Variants in LAMC3 observed in about 807,000 individuals in gnomAD.
The protein encoded by LAMC3 is laminin subunit gamma-3.
In LAMC3, 128 loss-of-function variants were observed where a neutral mutation model predicts 173.8. That is an observed-to-expected ratio of 0.74 (90% confidence interval 0.64 to 0.85). LAMC3 has a LOEUF of 0.85. LAMC3 is among the 40% of genes least tolerant of loss of function. The pLI, the probability that LAMC3 is intolerant of heterozygous loss-of-function variation, is 0.00. For missense variants in LAMC3, 2,022 were observed against 2,156.0 expected, an observed-to-expected ratio of 0.94 and a Z score of 1.23; for synonymous variants, 897 against 909.1, an observed-to-expected ratio of 0.99 and a Z score of 0.24.
intron 1 of LAMC3, among the ~76,000 whole-genome samples, chr9:131,010,440 G>A (rs534502056): frequency 7.2e-5 from 11 of 152,368 alleles, no homozygotes; most frequent in Non-Finnish European, 1.2e-4. Flanking sequence ...GGAGTCACTT[G>A]CTGAGCTTTG....
chr9:131,034,856 G>T (rs1833912774), intron 3 of LAMC3, among the ~76,000 whole-genome samples: 1 of 152,256 alleles, frequency 6.6e-6, no homozygotes, highest in African/African-American at 2.4e-5. Context: ...TTGATCCTGT[G>T]TGTGGAATGG....
chr9:131,044,912 A>G (rs1189001926), intron 7 of LAMC3, among the ~76,000 whole-genome samples: 1 of 152,170 alleles, frequency 6.6e-6, no homozygotes, highest in African/African-American at 2.4e-5. Flanking sequence ...CAGACATTAG[A>G]GGAAAAAGTG....
chr9:131,067,310 C>G, intron 14 of LAMC3, 105 bp downstream of exon 14: 2 of 1,446,688 alleles, frequency 1.4e-6, no homozygotes, highest in Non-Finnish European at 1.9e-6. Context: ...CCAGAACCAG[C>G]TGGCTCCTCT....
chr9:131,033,523 G>A (rs1482773286), intron 3 of LAMC3, among the ~76,000 whole-genome samples: 1 of 152,104 alleles, frequency 6.6e-6, no homozygotes, highest in Non-Finnish European at 1.5e-5. Flanking sequence ...GCGGGTGGGC[G>A]TGGAGAGGTT....
intron 4 of LAMC3, among the ~76,000 whole-genome samples, chr9:131,037,965 A>G (rs1189332510): frequency 6.6e-6 from 1 of 152,176 alleles, no homozygotes; most frequent in Admixed American, 6.5e-5. Flanking sequence ...CCCCCACTGC[A>G]CAAAGTCCTT....
intron 23 of LAMC3, among the ~76,000 whole-genome samples, chr9:131,081,777 T>TCTAGATGTTAG (rs1830247179): frequency 1.3e-5 from 2 of 152,346 alleles, no homozygotes; most frequent in Admixed American, 6.5e-5. Flanking sequence ...GCCTGGCCAA[T>TCTAGATGTTAG]AGAACATGTT....
chr9:131,021,118 C>G (rs1400304896), intron 1 of LAMC3: 1 of 152,202 alleles, frequency 6.6e-6, no homozygotes, highest in Non-Finnish European at 1.5e-5. Flanking sequence ...AGGCTCTTCA[C>G]TGCTTACAAG....
chr9:131,062,853 A>G (rs1433783579), intron 13 of LAMC3, among the ~76,000 whole-genome samples: 2 of 151,618 alleles, frequency 1.3e-5, no homozygotes, highest in Non-Finnish European at 2.9e-5. Context: ...TGGGTGACAG[A>G]GCAAGACTCC....
chr9:131,053,051 A>G, intron 11 of LAMC3, 86 bp downstream of exon 11: 4 of 1,022,244 alleles, frequency 3.9e-6, no homozygotes, highest in African/African-American at 1.6e-5. Flanking sequence ...CAGTCTTGTC[A>G]GGGCCTTGCG....
intron 7 of LAMC3, among the ~76,000 whole-genome samples, chr9:131,043,479 CCCAAA>C (rs1369973856): frequency 6.6e-6 from 1 of 152,144 alleles, no homozygotes; most frequent in Non-Finnish European, 1.5e-5. Context: ...AACAAAACAG[CCCAAA>C]CCAGAACGTG....
At chr9:131,017,511 G>A (rs1022359211) in intron 1 of LAMC3, among the ~76,000 whole-genome samples, 1 of 151,558 alleles carries the variant, frequency 6.6e-6, no homozygotes, top group African/African-American at 2.4e-5. Context: ...GATCACTTGA[G>A]GTCATGAGTT....
At chr9:131,089,346 A>T (rs1287957844) in intron 27 of LAMC3, among the ~76,000 whole-genome samples, 2 of 150,944 alleles carry the variant, frequency 1.3e-5, no homozygotes, top group African/African-American at 4.9e-5. Flanking sequence ...TACTCTGGGG[A>T]CCTCATATAA....
chr9:131,025,463 C>G (rs184490846), intron 1 of LAMC3, among the ~76,000 whole-genome samples: 1 of 151,608 alleles, frequency 6.6e-6, no homozygotes, highest in African/African-American at 2.4e-5. Flanking sequence ...AGCTGGGTGT[C>G]GGGGGCATGT....
In LAMC3 at chr9:131,026,160, G is replaced by T; in HGVS notation, c.374-125G>T. 6.5e-7 allele frequency: 1 copy of T among 1,543,854 alleles called. No individual in the cohort carries two copies. The highest frequency in any genetic ancestry group is 8.7e-7 in the Non-Finnish European group (1 of 1,144,134). ...TGGAGGGTGGCTTCCCCTGTCCAGAGCTCCAGACAGCTTCCAGCGATCCAT... is the reference window on the plus strand; with the variant it reads ...TGGAGGGTGGCTTCCCCTGTCCAGATCTCCAGACAGCTTCCAGCGATCCAT... On this transcript the variant is annotated intron_variant, in intron 1 of 27. Coordinates refer to ENST00000361069, the MANE Select transcript of LAMC3 (RefSeq NM_006059.4). This position sits in a 1 kb window ranked among gnomAD's most constrained non-coding sequence, Gnocchi z 4.8.
In LAMC3 at chr9:131,071,478, C is replaced by T. The variant is rs1830034582; in HGVS notation, c.3070-6C>T. On this transcript the variant is annotated splice_region_variant and splice_polypyrimidine_tract_variant and intron_variant, in intron 17 of 27. Coordinates refer to ENST00000361069, the MANE Select transcript of LAMC3 (RefSeq NM_006059.4). ...CTCATACACCTTTTCTTCCTGTCCT[C>T]TCCAGGCAGCCAAGCTGAAGGCCAG... is the stretch of plus-strand genomic sequence containing the variant. 1.9e-6 allele frequency: 3 copies of T among 1,613,690 alleles called. No homozygotes were observed. The highest frequency in any genetic ancestry group is 1.3e-5 in the African/African-American group (1 of 74,926).
chr9:131,024,139 A>C lies in LAMC3; in HGVS notation c.374-2146A>C, dbSNP rs147557592. Among the ~76,000 whole-genome samples the C allele has an allele frequency of 4.7e-3, 706 of 149,270 alleles. 6 individuals carry two copies. The highest frequency in any genetic ancestry group is 0.017 in the African/African-American group (675 of 40,032). Reference sequence around the variant, plus strand: ...TTACTCCTCTGTTTTCTTCTAAGAAAGAAGTTTTAGCTTTTTTTTTTTTTT... The same window carrying C: ...TTACTCCTCTGTTTTCTTCTAAGAACGAAGTTTTAGCTTTTTTTTTTTTTT... On this transcript the variant is annotated intron_variant, in intron 1 of 27. Coordinates refer to ENST00000361069, the MANE Select transcript of LAMC3 (RefSeq NM_006059.4).
chr9:131,027,936 C>T (rs1254813838), intron 2 of LAMC3, among the ~76,000 whole-genome samples: 1 of 152,242 alleles, frequency 6.6e-6, no homozygotes, highest in Non-Finnish European at 1.5e-5. Context: ...GTCCACGTTG[C>T]TGTGTGTCCA....
At chr9:131,038,375 C>T (rs1833982937) in intron 4 of LAMC3, among the ~76,000 whole-genome samples, 1 of 152,180 alleles carries the variant, frequency 6.6e-6, no homozygotes, top group South Asian at 2.1e-4. Flanking sequence ...ACTCTGGGAG[C>T]CAAGACAGAG....
rs1199969522 is a variant in LAMC3, at chr9:131,036,276, TC to T, written c.921del (p.Phe308SerfsTer100). On this transcript the variant is annotated frameshift_variant, in exon 4 of 28. Transcript: ENST00000361069. LOFTEE classifies it high-confidence loss of function. ...TGTDCERCLPFFQDRPWARGT... is the reference protein window; with the variant it reads ...TGTDCERCLPXFQDRPWARGT... ...ACAGACTGTGAGCGCTGCCTGCCCT[TC>T]TTCCAGGACCGCCCGTGGGCCCGGG... 2 of 1,613,262 alleles carry T rather than the reference TC, an allele frequency of 1.2e-6. No individual in the cohort carries two copies. Among genetic ancestry groups the T allele is most frequent in the Non-Finnish European group, 1.7e-6 (2 of 1,179,898 alleles).
Sources: allele counts gnomAD v4.1 joint callset (sites outside exome capture counted in the v4.1 genomes callset), GRCh38; gene constraint gnomAD v4.1.1; non-coding constraint Gnocchi (gnomAD v3.1); transcripts MANE v1.5; gene names NCBI Gene and HGNC (gene_info 2026-07-23, HGNC 2026-07-21).